DGKH: variants seen among roughly 807,000 people sequenced by gnomAD.
DGKH encodes DAG kinase eta.
In DGKH, 90 loss-of-function variants were observed where a neutral mutation model predicts 159.3. The ratio of observed to expected loss-of-function variants is 0.57; its 90% CI spans 0.48 to 0.67. The LOEUF is 0.67. Among genes scored for constraint, DGKH ranks in the 30% least tolerant of loss-of-function variants. The pLI is 0.00. For missense variants in DGKH, 1,181 were observed against 1,506.1 expected, an observed-to-expected ratio of 0.78 and a Z score of 3.57; for synonymous variants, 536 against 553.8, an observed-to-expected ratio of 0.97 and a Z score of 0.45.
chr13:42,225,503 G>T (rs1958100999), intron 29 of DGKH, among the ~76,000 whole-genome samples: 1 of 152,066 alleles, frequency 6.6e-6, no homozygotes, highest in Non-Finnish European at 1.5e-5. Context: ...GGCCAGGCGA[G>T]GTGGCTTATC....
chr13:42,252,220 A>T (rs1958625490), intron 29 of DGKH, among the ~76,000 whole-genome samples: 1 of 151,984 alleles, frequency 6.6e-6, no homozygotes, highest in Non-Finnish European at 1.5e-5. Flanking sequence ...AAAACTGTCC[A>T]GTAATAGTGG....
chr13:42,048,424 A>AG (rs67894993), upstream of DGKH, among the ~76,000 whole-genome samples: 152,194 of 152,194 alleles, frequency 1, 76,097 homozygotes, highest in Non-Finnish European at 1. This position sits in a 1 kb window ranked among gnomAD's most constrained non-coding sequence, Gnocchi z 6.7. Context: ...CCCAGACCGT[A>AG]AGGGAGTGGA....
At chr13:42,114,479 A>G (rs1170173) in intron 1 of DGKH, among the ~76,000 whole-genome samples, 122,762 of 152,062 alleles carry the variant, frequency 0.81, 50,076 homozygotes, top group African/African-American at 0.89. Flanking sequence ...GGCTCCAGTG[A>G]TGACTGAGGT....
chr13:42,087,802 C>T (rs780169495), intron 1 of DGKH, among the ~76,000 whole-genome samples: 13 of 145,778 alleles, frequency 8.9e-5, no homozygotes, highest in Non-Finnish European at 1.6e-4. Flanking sequence ...CTTACATAAG[C>T]GTATTTGGAG....
chr13:42,206,928 G>T (rs960072889), intron 21 of DGKH, among the ~76,000 whole-genome samples: 2 of 151,752 alleles, frequency 1.3e-5, no homozygotes, highest in Non-Finnish European at 2.9e-5. Context: ...AGGGGGCAGA[G>T]AGGGGGCATT....
At chr13:42,122,378 A>G (rs762897578) in intron 1 of DGKH, among the ~76,000 whole-genome samples, 2 of 152,098 alleles carry the variant, frequency 1.3e-5, no homozygotes, top group African/African-American at 2.4e-5. Context: ...ATCTGGTGAG[A>G]GCCTTCTTCC....
At chr13:42,111,533 G>A (rs1039857422) in intron 1 of DGKH, among the ~76,000 whole-genome samples, 2 of 152,084 alleles carry the variant, frequency 1.3e-5, no homozygotes, top group East Asian at 3.8e-4. Flanking sequence ...TGAGCTGAGA[G>A]TGTGCCACTG....
chr13:42,041,506 C>G (rs1414141914), intron 1 of DGKH, among the ~76,000 whole-genome samples: 1 of 152,178 alleles, frequency 6.6e-6, no homozygotes, highest in East Asian at 1.9e-4. Context: ...TCGCTGCACA[C>G]GCAACGCGGA....
At chr13:42,148,275 A>G (rs1331294319) in intron 3 of DGKH, among the ~76,000 whole-genome samples, 1 of 152,208 alleles carries the variant, frequency 6.6e-6, no homozygotes, top group African/African-American at 2.4e-5. Context: ...GCCTGTTATA[A>G]TTACTCCATA....
At position 42,159,262 on chromosome 13, in the gene DGKH, TTAGTGTGTAAA is replaced by T; in HGVS notation, c.623-2_631del. ...AGTTGCTCTTTTTTTTTTTTTTTTT[TTAGTGTGTAAA>T]TTCAAGGCTCACAAAAGATGTGCAG... is the stretch of plus-strand genomic sequence containing the variant. On this transcript the variant is annotated splice_acceptor_variant and splice_polypyrimidine_tract_variant and coding_sequence_variant and intron_variant, in exon 6 of 30. Coordinates refer to ENST00000337343, the MANE Select transcript of DGKH (RefSeq NM_178009.5). LOFTEE classifies it high-confidence loss of function. The T allele has an allele frequency of 8.0e-7, 1 of 1,248,608 alleles. No homozygotes were observed. The highest frequency in any genetic ancestry group is 1.1e-6 in the Non-Finnish European group (1 of 892,650). 77.3% of individuals were successfully genotyped at this position (1,248,608 alleles called of 1,614,324 possible). A position where few individuals can be genotyped will look rare whatever the true frequency, so the allele number is the denominator to read the frequency against.
intron 1 of DGKH, among the ~76,000 whole-genome samples, chr13:42,050,911 G>A (rs1881236776): frequency 6.6e-6 from 1 of 152,130 alleles, no homozygotes; most frequent in Non-Finnish European, 1.5e-5. Context: ...TATATGAAAT[G>A]GTCAAAATTC....
chr13:42,148,005 A>G (rs1445385331), intron 3 of DGKH, among the ~76,000 whole-genome samples: 1 of 152,316 alleles, frequency 6.6e-6, no homozygotes. Context: ...GCAGCCCTCA[A>G]TATTGTTCTT....
chr13:42,188,693 G>A (rs4272927), intron 14 of DGKH, among the ~76,000 whole-genome samples: 1 of 152,016 alleles, frequency 6.6e-6, no homozygotes, highest in African/African-American at 2.4e-5. Context: ...TTATAAAGAT[G>A]TTTTTCCCCA....
At chr13:42,172,066 G>A (rs1292691609) in intron 11 of DGKH, among the ~76,000 whole-genome samples, 1 of 152,002 alleles carries the variant, frequency 6.6e-6, no homozygotes, top group African/African-American at 2.4e-5. Flanking sequence ...CTGACCTCGT[G>A]ATCCGCCCGC....
intron 3 of DGKH, among the ~76,000 whole-genome samples, chr13:42,139,662 GA>G (rs1260545128): frequency 2.6e-5 from 4 of 152,052 alleles, no homozygotes; most frequent in Non-Finnish European, 5.9e-5. Context: ...CCACTTCCAG[GA>G]CTGCCCTTAG....
intron 3 of DGKH, among the ~76,000 whole-genome samples, chr13:42,144,993 A>G (rs936756167): frequency 2.6e-5 from 4 of 152,220 alleles, no homozygotes; most frequent in Non-Finnish European, 5.9e-5. Flanking sequence ...GTGCCATGGC[A>G]TTGATTCTTG....
At chr13:42,210,459 A>G in intron 23 of DGKH, 143 bp from the exon 24 acceptor site, 2 of 779,024 alleles carry the variant, frequency 2.6e-6, no homozygotes, top group Non-Finnish European at 4.1e-6. Flanking sequence ...GTACATTGGA[A>G]AACTTTGAAA....
chr13:42,165,995 C>T (rs552116598), intron 8 of DGKH, among the ~76,000 whole-genome samples: 91 of 152,212 alleles, frequency 6.0e-4, no homozygotes, highest in Non-Finnish European at 1.2e-3. Flanking sequence ...ATGTAACAGA[C>T]TTGAGCAACT....
intron 1 of DGKH, among the ~76,000 whole-genome samples, chr13:42,109,339 G>T (rs1057477122): frequency 6.6e-6 from 1 of 152,164 alleles, no homozygotes; most frequent in Admixed American, 6.5e-5. Context: ...TCACAGAAAC[G>T]TTAAGTAATT....
Sources: allele counts gnomAD v4.1 joint callset (sites outside exome capture counted in the v4.1 genomes callset), GRCh38; gene constraint gnomAD v4.1.1; non-coding constraint Gnocchi (gnomAD v3.1); transcripts MANE v1.5; gene names NCBI Gene and HGNC (gene_info 2026-07-23, HGNC 2026-07-21).